The following MAML2 variants were observed in gnomAD, a reference collection of about 807,000 sequenced individuals.
MAML2 encodes mastermind like transcriptional coactivator 2.
In MAML2, 22 loss-of-function variants were observed where a neutral mutation model predicts 96.1. The observed-to-expected ratio is 0.23, with a 90% CI of 0.16 to 0.33. The LOEUF is 0.33. Ranked by LOEUF, MAML2 falls within the 10% of genes least tolerant of loss-of-function variation. MAML2 has a pLI of 1.00. For synonymous variants in MAML2, 561 were observed against 521.3 expected (o/e 1.08, Z -1.04); for missense variants, 1,367 against 1,392.4 (o/e 0.98, Z 0.29).
At chr11:96,166,258 G>A (rs1341271581) in intron 1 of MAML2, among the ~76,000 whole-genome samples, 3 of 151,414 alleles carry the variant, frequency 2.0e-5, no homozygotes. Flanking sequence ...AAGCCCCAGG[G>A]ATTGCAAAAA....
chr11:96,310,420 C>A (rs894545327), intron 1 of MAML2, among the ~76,000 whole-genome samples: 1 of 152,148 alleles, frequency 6.6e-6, no homozygotes, highest in Non-Finnish European at 1.5e-5. Flanking sequence ...CCCAATGTGA[C>A]CTGAAACTGC....
At chr11:96,130,747 A>G (rs1446382620) in intron 1 of MAML2, among the ~76,000 whole-genome samples, 1 of 150,820 alleles carries the variant, frequency 6.6e-6, no homozygotes, top group Non-Finnish European at 1.5e-5. Context: ...GAAATATTTT[A>G]CTTGACCAAA....
intron 1 of MAML2, among the ~76,000 whole-genome samples, chr11:96,094,683 C>T (rs1319401675): frequency 6.6e-6 from 1 of 152,182 alleles, no homozygotes; most frequent in African/African-American, 2.4e-5. Context: ...ATTCATCATT[C>T]GTCCTCATAT....
chr11:96,245,705 A>ATTTTT (rs59597889), intron 1 of MAML2, among the ~76,000 whole-genome samples: 2 of 136,936 alleles, frequency 1.5e-5, no homozygotes, highest in African/African-American at 5.4e-5. Context: ...CCCATACCTA[A>ATTTTT]TTTTTTTTTT....
In MAML2 at chr11:96,125,340, T is replaced by C. The variant is rs181226387; in HGVS notation, c.514-31823A>G. 2.9e-3 allele frequency among the ~76,000 whole-genome samples: 440 copies of C among 152,234 alleles called. 1 individual carries two copies. The highest frequency in any genetic ancestry group is 0.01 in the African/African-American group (421 of 41,520). On this transcript the variant is annotated intron_variant, in intron 1 of 4. Coordinates refer to ENST00000524717, the MANE Select transcript of MAML2 (RefSeq NM_032427.4). ...CTGTGCAGAGATGGTGCAAAAATACTCTTCCCATCTCCAAGTCTCAGCATC... is the reference window on the plus strand; with the variant it reads ...CTGTGCAGAGATGGTGCAAAAATACCCTTCCCATCTCCAAGTCTCAGCATC...
intron 1 of MAML2, among the ~76,000 whole-genome samples, chr11:96,126,484 C>G (rs1860439898): frequency 6.6e-6 from 1 of 152,134 alleles, no homozygotes; most frequent in Non-Finnish European, 1.5e-5. Flanking sequence ...ATCACTTGAA[C>G]CCAGGAGGCG....
chr11:96,124,191 T>A (rs1485473353), intron 1 of MAML2, among the ~76,000 whole-genome samples: 1 of 152,118 alleles, frequency 6.6e-6, no homozygotes, highest in Non-Finnish European at 1.5e-5. Context: ...CCTACACTAT[T>A]TCCTCTAGGT....
At chr11:96,084,857 G>A (rs1223563637) in intron 2 of MAML2, among the ~76,000 whole-genome samples, 2 of 152,188 alleles carry the variant, frequency 1.3e-5, no homozygotes, top group Non-Finnish European at 2.9e-5. Flanking sequence ...TTTCATAAAG[G>A]TGGAGCTGAA....
chr11:96,028,076 A>G (rs571913093), intron 2 of MAML2, among the ~76,000 whole-genome samples: 2 of 152,318 alleles, frequency 1.3e-5, no homozygotes, highest in East Asian at 3.9e-4. Flanking sequence ...CAAGGTCCCA[A>G]TAATGTCTAG....
rs1591109613 is a variant in MAML2 at position 96,277,050 on chromosome 11, A to C, written c.513+64333T>G. Among the ~76,000 whole-genome samples, 4 of 152,180 alleles carry C rather than the reference A, an allele frequency of 2.6e-5. No homozygotes were observed. In the South Asian group the frequency reaches 8.3e-4, roughly 32 times the overall value. On this transcript the variant is annotated intron_variant, in intron 1 of 4. Transcript: ENST00000524717. ...ATGCTCTGTAAAAACTCACAGCATG[A>C]AAGATAAGCTCAGATATTTATGATA... is the stretch of plus-strand genomic sequence containing the variant.
chr11:96,224,112 T>G (rs1428440555), intron 1 of MAML2, among the ~76,000 whole-genome samples: 1 of 152,176 alleles, frequency 6.6e-6, no homozygotes, highest in East Asian at 1.9e-4. Flanking sequence ...TAAGCCTCAG[T>G]TTCTTTATCA....
chr11:96,321,472 A>G (rs144005145), intron 1 of MAML2, among the ~76,000 whole-genome samples: 17 of 152,270 alleles, frequency 1.1e-4, no homozygotes, highest in African/African-American at 3.8e-4. Context: ...AAATAGACAT[A>G]TTTGCGATAT....
At chr11:96,111,321 C>G (rs1860120177) in intron 1 of MAML2, among the ~76,000 whole-genome samples, 1 of 151,970 alleles carries the variant, frequency 6.6e-6, no homozygotes, top group Admixed American at 6.5e-5. Context: ...TTTTTCTCTC[C>G]CATTGACCTG....
At position 96,052,787 on chromosome 11, in the gene MAML2, G is replaced by A. The variant is rs532397803; in HGVS notation, c.2139+39105C>T. 3.9e-4 allele frequency among the ~76,000 whole-genome samples: 60 copies of A among 152,326 alleles called. 2 individuals are homozygous for A. The South Asian group carries it at 8.9e-3, about 23-fold the overall frequency. ...CTTCCAGAGCTGCTCAAGTCTCTCT[G>A]AAGATTCAGTACCTAGTCTAGGTTT... On this transcript the variant is annotated intron_variant, in intron 2 of 4. Coordinates refer to ENST00000524717, the MANE Select transcript of MAML2 (RefSeq NM_032427.4).
At chr11:96,003,662 C>T (rs1194474660) in intron 2 of MAML2, among the ~76,000 whole-genome samples, 2 of 151,946 alleles carry the variant, frequency 1.3e-5, no homozygotes, top group Non-Finnish European at 1.5e-5. Flanking sequence ...ATAAATTTTA[C>T]CTCCAATGAT....
chr11:96,330,769 G>A (rs1863843341), intron 1 of MAML2, among the ~76,000 whole-genome samples: 1 of 152,138 alleles, frequency 6.6e-6, no homozygotes, highest in Admixed American at 6.5e-5. Flanking sequence ...CTTACATGTT[G>A]GTATCAGGTC....
chr11:96,222,913 T>C (rs1372973717), intron 1 of MAML2, among the ~76,000 whole-genome samples: 1 of 152,216 alleles, frequency 6.6e-6, no homozygotes, highest in Non-Finnish European at 1.5e-5. Context: ...ATTATTTGAA[T>C]GTTATATTCA....
intron 1 of MAML2, among the ~76,000 whole-genome samples, chr11:96,102,795 G>T (rs1328335997): frequency 6.6e-6 from 1 of 152,170 alleles, no homozygotes; most frequent in Non-Finnish European, 1.5e-5. Context: ...TGGACCCTTT[G>T]TGTTTAACAG....
intron 2 of MAML2, among the ~76,000 whole-genome samples, chr11:96,006,705 C>A (rs1046616074): frequency 6.6e-6 from 1 of 151,136 alleles, no homozygotes; most frequent in Non-Finnish European, 1.5e-5. Flanking sequence ...ATTACAGGCA[C>A]GTGCCACCAT....
Sources: gnomAD v4.1 joint callset for allele counts (sites outside exome capture counted in the v4.1 genomes callset) on GRCh38, gnomAD v4.1.1 for gene constraint, MANE v1.5 for transcripts, NCBI Gene and HGNC (gene_info 2026-07-23, HGNC 2026-07-21) for gene names.